SMOC2: variants seen among roughly 807,000 people sequenced by gnomAD.
SMOC2 encodes SPARC-related modular calcium-binding protein 2.
A neutral mutation model predicts 61.4 loss-of-function variants in SMOC2; 39 were observed. That is an observed-to-expected ratio of 0.64 (90% CI 0.49 to 0.83). The LOEUF (loss-of-function observed/expected upper bound fraction) is 0.83, where lower values mean the gene tolerates loss of function less well. SMOC2 is among the 40% of genes least tolerant of loss of function. SMOC2 has a pLI of 0.00. For missense variants in SMOC2, 556 were observed against 592.9 expected (o/e 0.94, Z 0.65); for synonymous variants, 247 against 239.9 (o/e 1.03, Z -0.27).
rs141893759 is a variant in SMOC2, at chr6:168,604,385, T to A, written c.825-3772T>A. 1.7e-3 allele frequency among the ~76,000 whole-genome samples: 259 copies of A among 152,162 alleles called. 1 individual carries two copies. The highest frequency in any genetic ancestry group is 5.8e-3 in the South Asian group (28 of 4,824). ...TTTGAATTGATCACCTAGGGAGACA[T>A]GGGTACTGGGCACCAGGCAAAATAA... On this transcript the variant is annotated intron_variant, in intron 8 of 12. Coordinates refer to ENST00000356284, the MANE Select transcript of SMOC2 (RefSeq NM_001166412.2).
intron 1 of SMOC2, among the ~76,000 whole-genome samples, chr6:168,442,223 G>T (rs577957016): frequency 6.6e-6 from 1 of 152,278 alleles, no homozygotes; most frequent in Admixed American, 6.5e-5. Context: ...GTTCTTCCTC[G>T]TGGCAGGGAT....
chr6:168,624,888 CAG>C (rs1786357061), intron 9 of SMOC2, among the ~76,000 whole-genome samples: 1 of 151,702 alleles, frequency 6.6e-6, no homozygotes, highest in East Asian at 1.9e-4. Flanking sequence ...CACACAAACA[CAG>C]ATACATAAAC....
At position 168,453,536 on chromosome 6, in the gene SMOC2, GTC is replaced by G. The variant is rs747234506; in HGVS notation, c.84+12090_84+12091del. ...TCTCTCTGTCTCTCTCTGTCTCTTT[GTC>G]TCTCTCTGTACCTGTCTCTCTGATT... On this transcript the variant is annotated intron_variant, in intron 1 of 12. Coordinates refer to ENST00000356284, the MANE Select transcript of SMOC2 (RefSeq NM_001166412.2). This position sits in a 1 kb window ranked among gnomAD's most constrained non-coding sequence, Gnocchi z 4.4. 3.3e-5 allele frequency among the ~76,000 whole-genome samples: 5 copies of G among 150,800 alleles called. No homozygotes were observed. The South Asian group carries it at 8.5e-4, about 26-fold the overall frequency.
chr6:168,522,615 A>G (rs1783355780), intron 2 of SMOC2, among the ~76,000 whole-genome samples: 1 of 152,182 alleles, frequency 6.6e-6, no homozygotes, highest in South Asian at 2.1e-4. Flanking sequence ...GTGTATGATT[A>G]CATTGATGGT....
chr6:168,445,056 C>T (rs748075802), intron 1 of SMOC2, among the ~76,000 whole-genome samples: 5 of 152,166 alleles, frequency 3.3e-5, no homozygotes, highest in Admixed American at 1.3e-4. Flanking sequence ...CGCACGACTT[C>T]GTTAAAGGTA....
chr6:168,447,990 C>A (rs1245936903), intron 1 of SMOC2, among the ~76,000 whole-genome samples: 1 of 152,176 alleles, frequency 6.6e-6, no homozygotes, highest in African/African-American at 2.4e-5. Context: ...TTGATTTCTT[C>A]TTGGGATTAG....
intron 1 of SMOC2, among the ~76,000 whole-genome samples, chr6:168,477,089 A>G (rs545783544): frequency 1.3e-5 from 2 of 152,366 alleles, no homozygotes; most frequent in East Asian, 3.9e-4. Flanking sequence ...TAAAAGCTGC[A>G]GTCGATGTAG....
chr6:168,649,161 C>T (rs373233762), intron 9 of SMOC2, among the ~76,000 whole-genome samples: 11 of 152,340 alleles, frequency 7.2e-5, no homozygotes, highest in African/African-American at 1.4e-4. Flanking sequence ...CAGTCCCACT[C>T]GGCTTTCTGC....
intron 2 of SMOC2, among the ~76,000 whole-genome samples, chr6:168,511,994 C>T (rs1212780992): frequency 6.6e-6 from 1 of 152,066 alleles, no homozygotes; most frequent in Non-Finnish European, 1.5e-5. Flanking sequence ...GAGAATGGTG[C>T]TGTGGAGCTT....
intron 2 of SMOC2, among the ~76,000 whole-genome samples, chr6:168,516,300 A>G (rs1433624247): frequency 6.6e-6 from 1 of 152,064 alleles, no homozygotes; most frequent in African/African-American, 2.4e-5. Context: ...CACACACATT[A>G]ATATTTTTCT....
chr6:168,497,458 A>C (rs1301369644), intron 1 of SMOC2, among the ~76,000 whole-genome samples: 6 of 152,120 alleles, frequency 3.9e-5, no homozygotes, highest in African/African-American at 1.4e-4. Flanking sequence ...CCTCCGCGGC[A>C]TGTGGTGGTG....
intron 9 of SMOC2, among the ~76,000 whole-genome samples, chr6:168,618,424 G>C (rs1203547979): frequency 6.7e-6 from 1 of 148,356 alleles, no homozygotes; most frequent in African/African-American, 2.6e-5. Flanking sequence ...AGTGGCATTA[G>C]GAGAGTGGAG....
chr6:168,661,712 T>C (rs1787514733), intron 11 of SMOC2, among the ~76,000 whole-genome samples: 1 of 152,238 alleles, frequency 6.6e-6, no homozygotes, highest in Non-Finnish European at 1.5e-5. Context: ...GAGAATTCTA[T>C]TAATCAGCAA....
chr6:168,546,754 TG>T (rs1784013271), intron 5 of SMOC2, among the ~76,000 whole-genome samples: 1 of 152,194 alleles, frequency 6.6e-6, no homozygotes, highest in East Asian at 1.9e-4. Context: ...TAACCTCCAG[TG>T]GCCTGAATTT....
intron 9 of SMOC2, among the ~76,000 whole-genome samples, chr6:168,646,786 G>A (rs1218373391): frequency 6.6e-6 from 1 of 152,174 alleles, no homozygotes; most frequent in Non-Finnish European, 1.5e-5. Context: ...CACCTTTACT[G>A]TGGGGCAAAA....
chr6:168,442,397 G>A (rs547049371), intron 1 of SMOC2, among the ~76,000 whole-genome samples: 14 of 152,374 alleles, frequency 9.2e-5, no homozygotes, highest in Non-Finnish European at 1.9e-4. Context: ...AAGCCAACCC[G>A]CGGCGGCCGC....
chr6:168,526,674 A>G (rs1241805531), intron 3 of SMOC2, among the ~76,000 whole-genome samples: 2 of 152,204 alleles, frequency 1.3e-5, no homozygotes, highest in Admixed American at 6.5e-5. Context: ...TAGTTGGTGC[A>G]GGCATTTATA....
intron 1 of SMOC2, among the ~76,000 whole-genome samples, chr6:168,508,512 A>T (rs1001136391): frequency 1.3e-5 from 2 of 152,234 alleles, no homozygotes; most frequent in Non-Finnish European, 2.9e-5. Flanking sequence ...TACAATGCTG[A>T]TTAGCTGGGC....
intron 1 of SMOC2, among the ~76,000 whole-genome samples, chr6:168,470,018 TCAGTG>T (rs1583039114): frequency 1.3e-5 from 2 of 152,258 alleles, no homozygotes; most frequent in African/African-American, 4.8e-5. Context: ...ACTGTGTGCT[TCAGTG>T]CAGAATTCCT....
Sources: gnomAD v4.1 joint callset for allele counts (sites outside exome capture counted in the v4.1 genomes callset) on GRCh38, gnomAD v4.1.1 for gene constraint, Gnocchi (gnomAD v3.1) non-coding constraint, MANE v1.5 for transcripts, NCBI Gene and HGNC (gene_info 2026-07-23, HGNC 2026-07-21) for gene names.